SEC63: variants seen among roughly 807,000 people sequenced by gnomAD.
The protein encoded by SEC63 is translocation protein SEC63 homolog.
In SEC63, 56 loss-of-function variants were observed where a neutral mutation model predicts 116.2. That is an observed-to-expected ratio of 0.48 (90% CI 0.39 to 0.60). The LOEUF is 0.60. Ranked by LOEUF, SEC63 falls within the 20% of genes least tolerant of loss-of-function variation. The pLI is 0.00. For synonymous variants in SEC63, 273 were observed against 294.6 expected, an observed-to-expected ratio of 0.93 and a Z score of 0.75; for missense variants, 668 against 900.0, an observed-to-expected ratio of 0.74 and a Z score of 3.30.
intron 11 of SEC63, 100 bp downstream of exon 11, chr6:107,904,529 C>T (rs1418051174): frequency 1.3e-5 from 11 of 869,828 alleles, no homozygotes; most frequent in Non-Finnish European, 1.8e-5. Context: ...CTGAACTGGC[C>T]GACAGAAGTC....
intron 1 of SEC63, among the ~76,000 whole-genome samples, chr6:107,953,130 C>T (rs577175362): frequency 5.9e-5 from 9 of 152,100 alleles, no homozygotes; most frequent in Non-Finnish European, 1.3e-4. Context: ...CATGGTGGCT[C>T]GCGCCAGTTT....
At chr6:107,888,949 C>T (rs563200725) in intron 16 of SEC63, among the ~76,000 whole-genome samples, 2 of 152,296 alleles carry the variant, frequency 1.3e-5, no homozygotes, top group African/African-American at 4.8e-5. Context: ...CCAACTTGAT[C>T]GTGGTGGATA....
At chr6:107,932,857 C>T (rs1251220826) in intron 1 of SEC63, among the ~76,000 whole-genome samples, 1 of 152,046 alleles carries the variant, frequency 6.6e-6, no homozygotes, top group Non-Finnish European at 1.5e-5. Context: ...ATCCAAGTAT[C>T]CTCCCACAAA....
At chr6:107,935,595 T>G (rs894905818) in intron 1 of SEC63, among the ~76,000 whole-genome samples, 4 of 54,298 alleles carry the variant, frequency 7.4e-5, no homozygotes, top group Admixed American at 2.0e-4. Context: ...GAAGGCAGCA[T>G]GCTCGTTAAG....
Position 107,882,987 on chromosome 6 carries a change from C to A in SEC63, c.1833+1G>T. The A allele has an allele frequency of 6.4e-7, 1 of 1,569,510 alleles. No homozygotes were observed. Among genetic ancestry groups the A allele is most frequent in the Non-Finnish European group, 8.8e-7 (1 of 1,142,284 alleles). ...AAATTATTTAAACCTATAAGGCTTA[C>A]TGCTTCATCATCTTTGTTTTGTTTT... On this transcript the variant is annotated splice_donor_variant, in intron 17 of 20. Transcript: ENST00000369002. LOFTEE classifies it high-confidence loss of function.
At chr6:107,897,950 A>G (rs1250387949) in intron 13 of SEC63, among the ~76,000 whole-genome samples, 1 of 152,224 alleles carries the variant, frequency 6.6e-6, no homozygotes. Flanking sequence ...AAATAGCTCT[A>G]CAAAGTATTT....
intron 11 of SEC63, among the ~76,000 whole-genome samples, chr6:107,903,537 C>G (rs919455449): frequency 6.6e-6 from 1 of 152,050 alleles, no homozygotes; most frequent in African/African-American, 2.4e-5. Context: ...GAGATCCCAC[C>G]TCTACACAAA....
chr6:107,878,264 T>C (rs1029520285), intron 18 of SEC63, among the ~76,000 whole-genome samples: 1 of 152,228 alleles, frequency 6.6e-6, no homozygotes, highest in Non-Finnish European at 1.5e-5. Context: ...CAACAATCAG[T>C]GCCTACTTCT....
At chr6:107,926,813 G>A (rs911204277) in intron 2 of SEC63, among the ~76,000 whole-genome samples, 4 of 152,150 alleles carry the variant, frequency 2.6e-5, no homozygotes, top group Non-Finnish European at 4.4e-5. Context: ...GTTTTACATG[G>A]AGCATCCAGT....
intron 8 of SEC63, among the ~76,000 whole-genome samples, chr6:107,907,647 C>T (rs1221016843): frequency 6.6e-6 from 1 of 152,112 alleles, no homozygotes; most frequent in Non-Finnish European, 1.5e-5. Context: ...AGTGCACAGA[C>T]CTTGGTATTT....
chr6:107,908,769 G>C (rs1787210679), intron 8 of SEC63, among the ~76,000 whole-genome samples, 158 bp downstream of exon 8: 1 of 152,046 alleles, frequency 6.6e-6, no homozygotes, highest in Non-Finnish European at 1.5e-5. Context: ...ATGTGACAAA[G>C]GGTGCTGGCA....
chr6:107,942,054 A>G (rs1048426527), intron 1 of SEC63, among the ~76,000 whole-genome samples: 103 of 152,228 alleles, frequency 6.8e-4, no homozygotes, highest in Admixed American at 6.7e-3. Flanking sequence ...TCACTTAATG[A>G]CTACTAATAA....
intron 19 of SEC63, among the ~76,000 whole-genome samples, chr6:107,874,533 T>C (rs1771048685): frequency 6.7e-6 from 1 of 149,272 alleles, no homozygotes; most frequent in South Asian, 2.1e-4. Context: ...GAGGCGGAGC[T>C]TGCAGTGAGC....
At position 107,909,053 on chromosome 6, in the gene SEC63, T is replaced by G. The variant is rs763591908; in HGVS notation, c.625-18A>C. The G allele has an allele frequency of 2.0e-6, 3 of 1,537,974 alleles. No homozygotes were observed. Among genetic ancestry groups the G allele is most frequent in the Non-Finnish European group, 9.0e-7 (1 of 1,112,494 alleles). ...CAAGAGCCCTAAAACACAAAAAAAATTAAACAAGAAAGAAAGTATAAAAAC... is the reference window on the plus strand; with the variant it reads ...CAAGAGCCCTAAAACACAAAAAAAAGTAAACAAGAAAGAAAGTATAAAAAC... On this transcript the variant is annotated intron_variant, in intron 7 of 20. Transcript: ENST00000369002.
chr6:107,908,042 T>C (rs1243055969), intron 8 of SEC63, among the ~76,000 whole-genome samples: 3 of 152,206 alleles, frequency 2.0e-5, no homozygotes, highest in Non-Finnish European at 1.5e-5. Context: ...GGCAAAGTAG[T>C]ATTAACTCAT....
chr6:107,909,486 C>G (rs1040814312), intron 7 of SEC63, among the ~76,000 whole-genome samples: 1 of 152,010 alleles, frequency 6.6e-6, no homozygotes, highest in Admixed American at 6.6e-5. Flanking sequence ...ATACCTGAGT[C>G]TTACAACAAG....
intron 1 of SEC63, among the ~76,000 whole-genome samples, chr6:107,935,169 G>A (rs908463403): frequency 3.4e-5 from 5 of 148,056 alleles, no homozygotes; most frequent in African/African-American, 1.2e-4. Flanking sequence ...GAGGGAGGTG[G>A]GGGGGTCAGC....
At chr6:107,921,159 G>A (rs1787546657) in intron 4 of SEC63, among the ~76,000 whole-genome samples, 1 of 151,852 alleles carries the variant, frequency 6.6e-6, no homozygotes, top group Non-Finnish European at 1.5e-5. Context: ...AATGAGATAA[G>A]CTACACATTG....
intron 16 of SEC63, among the ~76,000 whole-genome samples, chr6:107,885,354 A>G (rs1786503421): frequency 6.6e-6 from 1 of 152,228 alleles, no homozygotes; most frequent in South Asian, 2.1e-4. Flanking sequence ...AACTATTTCT[A>G]TACACCAGCA....
Sources: gnomAD v4.1 joint callset for allele counts (sites outside exome capture counted in the v4.1 genomes callset) on GRCh38, gnomAD v4.1.1 for gene constraint, MANE v1.5 for transcripts, NCBI Gene and HGNC (gene_info 2026-07-23, HGNC 2026-07-21) for gene names.